SMYD3: variants seen among roughly 807,000 people sequenced by gnomAD.
The protein encoded by SMYD3 is histone-lysine N-methyltransferase SMYD3.
A neutral mutation model predicts 57.7 loss-of-function variants in SMYD3; 36 were observed. That is an observed-to-expected ratio of 0.62 (90% CI 0.48 to 0.82). The LOEUF (loss-of-function observed/expected upper bound fraction) is 0.82. Ranked by LOEUF, SMYD3 falls within the 40% of genes least tolerant of loss-of-function variation. SMYD3 has a pLI of 0.00. For synonymous variants in SMYD3, 211 were observed against 195.0 expected, an observed-to-expected ratio of 1.08 and a Z score of -0.68; for missense variants, 515 against 538.8, an observed-to-expected ratio of 0.96 and a Z score of 0.44.
intron 1 of SMYD3, among the ~76,000 whole-genome samples, chr1:246,357,325 G>A (rs2065923357): frequency 6.6e-6 from 1 of 152,108 alleles, no homozygotes; most frequent in Admixed American, 6.5e-5. Flanking sequence ...AGTGACCAGA[G>A]GTCACTGGTG....
chr1:246,187,476 T>G (rs1217253420), intron 5 of SMYD3, among the ~76,000 whole-genome samples: 1 of 152,218 alleles, frequency 6.6e-6, no homozygotes. Context: ...AAAACTAATT[T>G]GGCACAATTT....
intron 5 of SMYD3, among the ~76,000 whole-genome samples, chr1:246,303,450 C>T (rs1464718194): frequency 6.6e-6 from 1 of 152,126 alleles, no homozygotes; most frequent in Non-Finnish European, 1.5e-5. Flanking sequence ...GTGCATATAG[C>T]CTGTACCTAT....
intron 2 of SMYD3, among the ~76,000 whole-genome samples, chr1:246,344,325 G>C (rs905521686): frequency 1.3e-5 from 2 of 152,198 alleles, no homozygotes; most frequent in Admixed American, 6.5e-5. Flanking sequence ...CTCTATAATT[G>C]TAAGATCAGT....
chr1:245,949,315 C>T (rs375049466), intron 5 of SMYD3, among the ~76,000 whole-genome samples: 3 of 152,150 alleles, frequency 2.0e-5, no homozygotes, highest in South Asian at 4.2e-4. Flanking sequence ...AGCCCACCAC[C>T]GCCACCGTGG....
rs1051080219 is a variant in SMYD3 at position 245,981,997 on chromosome 1, G to A, written c.532-52060C>T. ...CCACGGTCATGGGGACCTTGAGCAC[G>A]TGGGGTCTTCTTTTAGGAGGGTTTG... On this transcript the variant is annotated intron_variant, in intron 5 of 11. Transcript: ENST00000490107. Among the ~76,000 whole-genome samples the A allele has an allele frequency of 2.6e-5, 4 of 152,352 alleles. No homozygotes were observed. The South Asian group carries it at 8.3e-4, about 32-fold the overall frequency.
At position 245,869,285 on chromosome 1, in the gene SMYD3, C is replaced by T. The variant is rs116225181; in HGVS notation, c.814-5399G>A. Among the ~76,000 whole-genome samples the T allele has an allele frequency of 5.9e-3, 900 of 152,308 alleles. 3 individuals carry two copies. Among genetic ancestry groups the T allele is most frequent in the South Asian group, 0.014 (67 of 4,826 alleles). Reference sequence around the variant, plus strand: ...AGAAGCAGAAGGATTCCTAAGAAAGCTGACTTTCCTGGGAAATGATCGAGA... The same window carrying T: ...AGAAGCAGAAGGATTCCTAAGAAAGTTGACTTTCCTGGGAAATGATCGAGA... On this transcript the variant is annotated intron_variant, in intron 8 of 11. Transcript: ENST00000490107.
intron 1 of SMYD3, among the ~76,000 whole-genome samples, chr1:246,439,033 C>T (rs1239017273): frequency 6.9e-6 from 1 of 145,558 alleles, no homozygotes; most frequent in Non-Finnish European, 1.5e-5. Flanking sequence ...GGACCCCTGA[C>T]TATGCTATGT....
At chr1:245,872,915 C>T (rs375466764) in intron 8 of SMYD3, among the ~76,000 whole-genome samples, 14 of 152,206 alleles carry the variant, frequency 9.2e-5, no homozygotes, top group African/African-American at 2.7e-4. Context: ...AGGCCTTTTC[C>T]GGCTACAGCC....
intron 1 of SMYD3, among the ~76,000 whole-genome samples, chr1:246,490,556 T>C (rs2068253557): frequency 6.6e-6 from 1 of 152,172 alleles, no homozygotes; most frequent in Admixed American, 6.5e-5. Context: ...CTAAATTATA[T>C]AATAATACCT....
At chr1:245,922,504 C>T (rs1393352522) in intron 7 of SMYD3, among the ~76,000 whole-genome samples, 1 of 152,174 alleles carries the variant, frequency 6.6e-6, no homozygotes, top group Non-Finnish European at 1.5e-5. Context: ...ACCACCTCCA[C>T]CAAAGACCAA....
At chr1:246,446,733 A>G (rs982256494) in intron 1 of SMYD3, among the ~76,000 whole-genome samples, 2 of 152,234 alleles carry the variant, frequency 1.3e-5, no homozygotes, top group African/African-American at 4.8e-5. Context: ...ACGGTAATTT[A>G]GAAATGGCAT....
intron 5 of SMYD3, among the ~76,000 whole-genome samples, chr1:246,304,661 T>G (rs2064950027): frequency 6.6e-6 from 1 of 152,126 alleles, no homozygotes; most frequent in Non-Finnish European, 1.5e-5. Context: ...TCCCAAGCAT[T>G]TATCCCATTA....
At chr1:246,100,001 T>C (rs2060980905) in intron 5 of SMYD3, among the ~76,000 whole-genome samples, 1 of 152,234 alleles carries the variant, frequency 6.6e-6, no homozygotes, top group African/African-American at 2.4e-5. Context: ...TGTGCTAGGA[T>C]ATATTTATCT....
In SMYD3 at chr1:246,226,412, A is replaced by G. The variant is rs1227929740; in HGVS notation, c.531+100789T>C. On this transcript the variant is annotated intron_variant, in intron 5 of 11. Transcript: ENST00000490107. Reference sequence around the variant, plus strand: ...TGTACTACAGATTTATTTAATCTACATGAGACCTAAGATATATTTTCATCA... The same window carrying G: ...TGTACTACAGATTTATTTAATCTACGTGAGACCTAAGATATATTTTCATCA... 1.3e-5 allele frequency among the ~76,000 whole-genome samples: 2 copies of G among 152,268 alleles called. 1 individual carries two copies. The highest frequency in any genetic ancestry group is 4.8e-5 in the African/African-American group (2 of 41,476).
chr1:246,259,732 T>A (rs1191845380), intron 5 of SMYD3, among the ~76,000 whole-genome samples: 1 of 152,202 alleles, frequency 6.6e-6, no homozygotes, highest in Admixed American at 6.5e-5. Flanking sequence ...CCCAAGGGCA[T>A]GGGGCCAGAC....
chr1:245,806,663 C>A (rs1052025648), intron 10 of SMYD3, among the ~76,000 whole-genome samples: 2 of 152,000 alleles, frequency 1.3e-5, no homozygotes, highest in African/African-American at 2.4e-5. Context: ...GTAATCCCAG[C>A]ACTTTGGGAG....
chr1:245,818,512 T>C (rs955093134), intron 10 of SMYD3, among the ~76,000 whole-genome samples: 1 of 152,024 alleles, frequency 6.6e-6, no homozygotes, highest in Non-Finnish European at 1.5e-5. Flanking sequence ...CCAGCTAACA[T>C]CATAATGACA....
chr1:245,787,617 A>G (rs183512360), intron 10 of SMYD3, among the ~76,000 whole-genome samples: 7 of 144,062 alleles, frequency 4.9e-5, no homozygotes, highest in African/African-American at 1.8e-4. Context: ...GTCTGATCCC[A>G]TCAGGGTGTT....
At chr1:245,848,757 A>G (rs1307519565) in intron 10 of SMYD3, among the ~76,000 whole-genome samples, 1 of 152,064 alleles carries the variant, frequency 6.6e-6, no homozygotes, top group Non-Finnish European at 1.5e-5. Context: ...GTGGCTCAAG[A>G]GCCAAGCAAG....
Sources: gnomAD v4.1 joint callset for allele counts (sites outside exome capture counted in the v4.1 genomes callset) on GRCh38, gnomAD v4.1.1 for gene constraint, MANE v1.5 for transcripts, NCBI Gene and HGNC (gene_info 2026-07-23, HGNC 2026-07-21) for gene names.